GATB: variants seen among roughly 807,000 people sequenced by gnomAD.
GATB encodes glutamyl-tRNA amidotransferase subunit B.
Under a neutral mutation model 62.3 loss-of-function variants are expected in GATB, and 39 were observed. The observed-to-expected ratio is 0.63, with a 90% CI of 0.48 to 0.82. The LOEUF is 0.82. Among genes scored for constraint, GATB ranks in the 40% least tolerant of loss-of-function variants. The probability of loss-of-function intolerance (pLI) is 0.00; values close to 1 mark genes in which losing one functional copy is unlikely to be tolerated. For missense variants in GATB, 670 were observed against 684.0 expected, an observed-to-expected ratio of 0.98 and a Z score of 0.23; for synonymous variants, 276 against 258.9, an observed-to-expected ratio of 1.07 and a Z score of -0.63.
chr4:151,735,329 A>G (rs964035890), intron 2 of GATB, among the ~76,000 whole-genome samples: 6 of 152,164 alleles, frequency 3.9e-5, no homozygotes, highest in African/African-American at 9.7e-5. Flanking sequence ...GCCAACAAAC[A>G]TTATGAAAAA....
rs557274539 is a variant in GATB at position 151,723,924 on chromosome 4, G to A, written c.328-4386C>T. ...ACATAATGGCCAGGAAAAAGATCTT[G>A]GGGTGGTGGGTGGTGGGAGTAGCAA... is the stretch of plus-strand genomic sequence containing the variant. On this transcript the variant is annotated intron_variant, in intron 2 of 12. Transcript: ENST00000263985. 4.6e-5 allele frequency: 7 copies of A among 152,270 alleles called. 1 individual carries two copies. In the South Asian group the frequency reaches 1.5e-3, roughly 32 times the overall value. The allele number at this position is 152,270 out of a possible 1,614,324, so 9.4% of individuals were successfully genotyped here.
Position 151,671,290 on chromosome 4 carries a change from TC to T in GATB, c.1557del (p.Lys520ArgfsTer8). ...MEAHPQVVMDVKNRNPRAINK... is the reference protein window; with the variant it reads ...MEAHPQVVMDXKNRNPRAINK... ...TTTATAGCTCTGGGGTTTCTGTTCT[TC>T]ACATCCATTACCTAGAAGGACAGAA... On this transcript the variant is annotated frameshift_variant, in exon 13 of 13. Coordinates refer to ENST00000263985, the MANE Select transcript of GATB (RefSeq NM_004564.3). LOFTEE classifies it high-confidence loss of function. 1 of 1,607,436 alleles carries T rather than the reference TC, an allele frequency of 6.2e-7. No homozygotes were observed. The highest frequency in any genetic ancestry group is 1.7e-4 in the Middle Eastern group (1 of 6,058).
chr4:151,756,600 C>T (rs1417610264), intron 2 of GATB, among the ~76,000 whole-genome samples: 3 of 152,176 alleles, frequency 2.0e-5, no homozygotes, highest in African/African-American at 4.8e-5. Flanking sequence ...CAAATCCTAG[C>T]TCATACAAAA....
intron 2 of GATB, among the ~76,000 whole-genome samples, chr4:151,733,127 C>T (rs1739302293): frequency 6.6e-6 from 1 of 151,866 alleles, no homozygotes; most frequent in Non-Finnish European, 1.5e-5. Flanking sequence ...CAGAGCAGAA[C>T]TAAATGAAAT....
chr4:151,713,066 AC>A lies in GATB; in HGVS notation c.763+2942del, dbSNP rs1189411123. 2.0e-5 allele frequency among the ~76,000 whole-genome samples: 3 copies of A among 152,186 alleles called. No individual in the cohort carries two copies. In the East Asian group the frequency reaches 5.8e-4, roughly 29 times the overall value. On this transcript the variant is annotated intron_variant, in intron 5 of 12. Coordinates refer to ENST00000263985, the MANE Select transcript of GATB (RefSeq NM_004564.3). ...GCATTAGATTCTCATAGGAGCACGA[AC>A]CCTATTGTGAACTGTGCATGAGAGG...
intron 11 of GATB, among the ~76,000 whole-genome samples, chr4:151,678,987 C>T (rs1258754758): frequency 6.6e-6 from 1 of 152,182 alleles, no homozygotes; most frequent in East Asian, 1.9e-4. Flanking sequence ...CCTCCACCTC[C>T]CTAATTGAAG....
At chr4:151,754,582 G>A (rs751832523) in intron 2 of GATB, among the ~76,000 whole-genome samples, 4 of 152,140 alleles carry the variant, frequency 2.6e-5, no homozygotes, top group Admixed American at 1.3e-4. Context: ...AGACACAACC[G>A]ACAGAGAAGA....
At chr4:151,671,342 A>C in intron 12 of GATB, 40 bp from the exon 13 acceptor site, 1 of 1,601,624 alleles carries the variant, frequency 6.2e-7, no homozygotes, top group Non-Finnish European at 8.5e-7. Flanking sequence ...GGAGAAAATG[A>C]AGGGATTCAT....
intron 10 of GATB, among the ~76,000 whole-genome samples, chr4:151,687,274 T>G (rs1184523059): frequency 6.6e-6 from 1 of 152,228 alleles, no homozygotes; most frequent in African/African-American, 2.4e-5. Context: ...GGGTGATGTC[T>G]GTCCTGCAGG....
intron 2 of GATB, among the ~76,000 whole-genome samples, chr4:151,743,583 T>A (rs1436135796): frequency 2.0e-5 from 3 of 152,218 alleles, no homozygotes; most frequent in Non-Finnish European, 4.4e-5. Flanking sequence ...TCAACTATAG[T>A]GGAACAGGTT....
chr4:151,697,694 C>A (rs1007795214), intron 9 of GATB, among the ~76,000 whole-genome samples: 7 of 148,376 alleles, frequency 4.7e-5, no homozygotes, highest in Admixed American at 6.8e-5. Context: ...GAAAAGCTAA[C>A]ATTGCTTCTC....
At position 151,703,925 on chromosome 4, in the gene GATB, C is replaced by T. The variant is rs746390318; in HGVS notation, c.963-30G>A. 9 of 1,555,828 alleles carry T rather than the reference C, an allele frequency of 5.8e-6. No individual in the cohort carries two copies. In the African/African-American group the frequency reaches 9.5e-5, roughly 16 times the overall value. ...AATAGTTAAATAAGAAAACATTAAACATTGAAAGCAGCACTGGCCAGCCTA... is the reference window on the plus strand; with the variant it reads ...AATAGTTAAATAAGAAAACATTAAATATTGAAAGCAGCACTGGCCAGCCTA... On this transcript the variant is annotated intron_variant, in intron 7 of 12. Transcript: ENST00000263985.
chr4:151,704,238 G>T (rs907993981), intron 7 of GATB, among the ~76,000 whole-genome samples: 3 of 152,010 alleles, frequency 2.0e-5, no homozygotes, highest in African/African-American at 4.8e-5. Flanking sequence ...ACAAAAATAA[G>T]GCATCTCTAC....
At chr4:151,702,494 T>C (rs998569983) in intron 8 of GATB, among the ~76,000 whole-genome samples, 2 of 152,140 alleles carry the variant, frequency 1.3e-5, no homozygotes, top group East Asian at 1.9e-4. Context: ...GTGTAAACCA[T>C]GGACTCTAGC....
At chr4:151,672,291 T>C (rs1737889548) in intron 12 of GATB, among the ~76,000 whole-genome samples, 1 of 152,208 alleles carries the variant, frequency 6.6e-6, no homozygotes, top group Non-Finnish European at 1.5e-5. Context: ...CCACAATTTA[T>C]GAATACTTTT....
intron 2 of GATB, among the ~76,000 whole-genome samples, chr4:151,725,911 A>G (rs1739128613): frequency 6.6e-6 from 1 of 152,210 alleles, no homozygotes; most frequent in African/African-American, 2.4e-5. Flanking sequence ...TGATGCTGTA[A>G]CACCCAAAGT....
intron 9 of GATB, among the ~76,000 whole-genome samples, chr4:151,695,757 T>C (rs939556318): frequency 1.4e-4 from 22 of 151,970 alleles, no homozygotes; most frequent in Non-Finnish European, 2.8e-4. Flanking sequence ...CAGATTCTTT[T>C]TTCTTTTTTT....
intron 2 of GATB, among the ~76,000 whole-genome samples, chr4:151,757,630 G>A (rs1739861365): frequency 6.6e-6 from 1 of 151,944 alleles, no homozygotes; most frequent in Non-Finnish European, 1.5e-5. Context: ...CCACCACCAT[G>A]CCCGGCTAAT....
rs1263650513 is a variant in GATB, at chr4:151,726,644, A to G, written c.328-7106T>C. On this transcript the variant is annotated intron_variant, in intron 2 of 12. Transcript: ENST00000263985. ...AGCCATCGCACAGGAAGCAACTCTGATTCCAAAGAAGAGAAGTGTAGTCTG... is the reference window on the plus strand; with the variant it reads ...AGCCATCGCACAGGAAGCAACTCTGGTTCCAAAGAAGAGAAGTGTAGTCTG... Among the ~76,000 whole-genome samples, 5 of 152,220 alleles carry G rather than the reference A, an allele frequency of 3.3e-5. No individual in the cohort carries two copies. In the East Asian group the frequency reaches 9.6e-4, roughly 29 times the overall value.
Sources: allele counts gnomAD v4.1 joint callset (sites outside exome capture counted in the v4.1 genomes callset), GRCh38; gene constraint gnomAD v4.1.1; transcripts MANE v1.5; gene names NCBI Gene and HGNC (gene_info 2026-07-23, HGNC 2026-07-21).